The following ARFGEF1 variants were observed in gnomAD, a reference collection of about 807,000 sequenced individuals.
ARFGEF1 encodes the protein ARF guanine nucleotide exchange factor 1.
Under a neutral mutation model 231.0 loss-of-function variants are expected in ARFGEF1, and 42 were observed. That is an observed-to-expected ratio of 0.18 (90% CI 0.14 to 0.24). ARFGEF1 has a LOEUF of 0.24. Among genes scored for constraint, ARFGEF1 ranks in the 10% least tolerant of loss-of-function variants. The pLI, the probability that ARFGEF1 is intolerant of heterozygous loss-of-function variation, is 1.00. For synonymous variants in ARFGEF1, 710 were observed against 732.3 expected (o/e 0.97, Z 0.49); for missense variants, 1,345 against 2,192.0 (o/e 0.61, Z 7.72).
chr8:67,273,648 T>C (rs539285530), intron 9 of ARFGEF1, among the ~76,000 whole-genome samples: 1 of 152,244 alleles, frequency 6.6e-6, no homozygotes, highest in Non-Finnish European at 1.5e-5. Context: ...GCCAATAATA[T>C]TATGGCTCAT....
intron 14 of ARFGEF1, among the ~76,000 whole-genome samples, chr8:67,265,251 C>T (rs558347262): frequency 6.6e-6 from 1 of 152,198 alleles, no homozygotes; most frequent in Non-Finnish European, 1.5e-5. Flanking sequence ...AAAAAAGACA[C>T]CTGAACATTC....
intron 17 of ARFGEF1, among the ~76,000 whole-genome samples, chr8:67,255,220 C>T (rs1840417762): frequency 6.6e-6 from 1 of 152,202 alleles, no homozygotes; most frequent in Non-Finnish European, 1.5e-5. Context: ...CAGAACACTT[C>T]TGCCATAGTG....
intron 19 of ARFGEF1, 80 bp downstream of exon 19, chr8:67,251,219 G>A (rs969943295): frequency 2.5e-5 from 32 of 1,303,498 alleles, no homozygotes; most frequent in Middle Eastern, 2.2e-4. Context: ...TCACTGTATC[G>A]CTTCCTTAAC....
At chr8:67,211,704 AT>A in intron 33 of ARFGEF1, 89 bp from the exon 34 acceptor site, 1 of 722,406 alleles carries the variant, frequency 1.4e-6, no homozygotes, top group Non-Finnish European at 2.0e-6. Flanking sequence ...AAAAAATTAT[AT>A]TATGTCCCTA....
rs560013093 is a variant in ARFGEF1 at position 67,311,996 on chromosome 8, G to A, written c.125-9530C>T. Among the ~76,000 whole-genome samples the A allele has an allele frequency of 7.9e-5, 12 of 152,206 alleles. No individual in the cohort carries two copies. In the South Asian group the frequency reaches 2.5e-3, roughly 32 times the overall value. ...GTCCACTCAGGGTTAAATGGATTAAGGGCAGTGCAAGATGTGCTTTGTTAA... is the reference window on the plus strand; with the variant it reads ...GTCCACTCAGGGTTAAATGGATTAAAGGCAGTGCAAGATGTGCTTTGTTAA... On this transcript the variant is annotated intron_variant, in intron 1 of 38. Coordinates refer to ENST00000262215, the MANE Select transcript of ARFGEF1 (RefSeq NM_006421.5).
At chr8:67,177,841 G>T (rs571627201) in intron 5 of ARFGEF1, 5 of 788,168 alleles carry the variant, frequency 6.3e-6, no homozygotes, top group Non-Finnish European at 1.1e-5. Flanking sequence ...AATTAAGAAC[G>T]TAAGTCTTAT....
chr8:67,178,743 G>A (rs1395676342), intron 5 of ARFGEF1, among the ~76,000 whole-genome samples: 1 of 152,182 alleles, frequency 6.6e-6, no homozygotes, highest in Non-Finnish European at 1.5e-5. Flanking sequence ...CCTAGTGCAT[G>A]TAAGGAGCAG....
At chr8:67,301,468 A>G (rs1294353472) in intron 2 of ARFGEF1, 88 bp from the exon 3 acceptor site, 2 of 1,402,694 alleles carry the variant, frequency 1.4e-6, no homozygotes, top group African/African-American at 2.9e-5. Context: ...TTTCAGTTCT[A>G]AAAGGAATCT....
At chr8:67,220,075 G>A (rs765201076) in intron 29 of ARFGEF1, among the ~76,000 whole-genome samples, 1 of 152,202 alleles carries the variant, frequency 6.6e-6, no homozygotes. Flanking sequence ...CATGAGGGGA[G>A]GGGTCTGTGT....
intron 23 of ARFGEF1, among the ~76,000 whole-genome samples, chr8:67,231,011 T>C (rs1274366395): frequency 6.6e-6 from 1 of 152,082 alleles, no homozygotes; most frequent in Non-Finnish European, 1.5e-5. Flanking sequence ...ATTTTTTTCT[T>C]TAGTTCCTGT....
chr8:67,280,596 T>C (rs1283699381), intron 7 of ARFGEF1, among the ~76,000 whole-genome samples: 1 of 152,216 alleles, frequency 6.6e-6, no homozygotes, highest in East Asian at 1.9e-4. Context: ...GTGTAGAATA[T>C]ATAAAAAGTG....
intron 18 of ARFGEF1, 127 bp from the exon 19 acceptor site, chr8:67,251,577 A>G (rs1048371767): frequency 2.3e-6 from 2 of 886,504 alleles, no homozygotes; most frequent in African/African-American, 3.4e-5. Flanking sequence ...GACACAAGAG[A>G]TCCCATATTA....
chr8:67,341,140 T>A (rs905719896), intron 1 of ARFGEF1, among the ~76,000 whole-genome samples: 1 of 152,170 alleles, frequency 6.6e-6, no homozygotes, highest in African/African-American at 2.4e-5. Flanking sequence ...TCTCAGACTC[T>A]CATTCCAGTA....
intron 22 of ARFGEF1, among the ~76,000 whole-genome samples, chr8:67,236,363 A>AT (rs1298123826): frequency 4.8e-4 from 18 of 37,670 alleles, no homozygotes; most frequent in East Asian, 9.8e-4. Context: ...AAAAAAAAAA[A>AT]AAATATATAT....
intron 37 of ARFGEF1, 118 bp from the exon 38 acceptor site, chr8:67,200,631 T>G (rs1482779636): frequency 7.4e-6 from 5 of 679,788 alleles, no homozygotes; most frequent in Non-Finnish European, 1.3e-5. Flanking sequence ...ACATGTTAGA[T>G]CCCATCTGTT....
intron 33 of ARFGEF1, among the ~76,000 whole-genome samples, chr8:67,213,828 C>A (rs1312954713): frequency 1.3e-5 from 2 of 152,250 alleles, no homozygotes; most frequent in African/African-American, 4.8e-5. Flanking sequence ...TTCCAGCCTG[C>A]CTGCCTGCCC....
At chr8:67,234,908 C>A (rs915694682) in intron 22 of ARFGEF1, among the ~76,000 whole-genome samples, 5 of 151,758 alleles carry the variant, frequency 3.3e-5, no homozygotes, top group African/African-American at 1.2e-4. Context: ...AGTGTCAAGG[C>A]AAACTTGACA....
intron 5 of ARFGEF1, chr8:67,179,899 T>G: frequency 6.3e-7 from 1 of 1,588,408 alleles, no homozygotes; most frequent in Non-Finnish European, 8.6e-7. Flanking sequence ...GAAAAACTCA[T>G]TATTGGAATC....
intron 36 of ARFGEF1, among the ~76,000 whole-genome samples, chr8:67,202,384 C>T (rs536725105): frequency 2.0e-5 from 3 of 152,134 alleles, no homozygotes; most frequent in South Asian, 4.2e-4. Flanking sequence ...TTCAGCCTCC[C>T]GAGTAGCTGG....
Sources: allele counts gnomAD v4.1 joint callset (sites outside exome capture counted in the v4.1 genomes callset), GRCh38; gene constraint gnomAD v4.1.1; transcripts MANE v1.5; gene names NCBI Gene and HGNC (gene_info 2026-07-23, HGNC 2026-07-21).